SGCZ: variants seen among roughly 807,000 people sequenced by gnomAD.
SGCZ encodes the protein sarcoglycan zeta.
A neutral mutation model predicts 41.3 loss-of-function variants in SGCZ; 40 were observed. The observed-to-expected ratio is 0.97, with a 90% CI of 0.75 to 1.26. The LOEUF (loss-of-function observed/expected upper bound fraction) is 1.26, where lower values mean the gene tolerates loss of function less well. Among genes scored for constraint, SGCZ ranks in the 50% most tolerant of loss-of-function variants. SGCZ has a pLI of 0.00. For missense variants in SGCZ, 552 were observed against 369.8 expected (o/e 1.49, Z -4.04); for synonymous variants, 206 against 137.5 (o/e 1.50, Z -3.49).
chr8:15,162,823 G>C (rs1200124598), intron 1 of SGCZ, among the ~76,000 whole-genome samples: 1 of 152,130 alleles, frequency 6.6e-6, no homozygotes, highest in Non-Finnish European at 1.5e-5. Flanking sequence ...GTTCCTAAAA[G>C]TGAAAGTTTA....
intron 2 of SGCZ, among the ~76,000 whole-genome samples, chr8:14,494,038 C>A (rs191234396): frequency 6.6e-6 from 1 of 152,120 alleles, no homozygotes; most frequent in East Asian, 1.9e-4. Context: ...ATGTACTACC[C>A]ATTCATCTCT....
At position 14,554,828 on chromosome 8, in the gene SGCZ, C is replaced by CT; in HGVS notation, c.137dup (p.Arg47GlufsTer17). On this transcript the variant is annotated frameshift_variant, in exon 2 of 8. Coordinates refer to ENST00000382080, the MANE Select transcript of SGCZ (RefSeq NM_139167.4). LOFTEE classifies it high-confidence loss of function. The stretch of plus-strand genomic sequence containing the variant: ...GAAGGACAAAGAAGTATAAGCACCT[C>CT]TTTCGCCATCCATAAATTCCCACTG... The CT allele has an allele frequency of 6.2e-7, 1 of 1,613,272 alleles. No homozygotes were observed. Among genetic ancestry groups the CT allele is most frequent in the African/African-American group, 1.3e-5 (1 of 74,932 alleles).
At chr8:14,644,972 G>A (rs1015105911) in intron 1 of SGCZ, among the ~76,000 whole-genome samples, 1 of 148,406 alleles carries the variant, frequency 6.7e-6, no homozygotes, top group African/African-American at 2.5e-5. Context: ...AGTCTCCAAC[G>A]TTACTCGTTA....
In SGCZ at chr8:14,507,188, A is replaced by G. The variant is rs540443865; in HGVS notation, c.234+47544T>C. On this transcript the variant is annotated intron_variant, in intron 2 of 7. Transcript: ENST00000382080. ...CCCACCATATCCAATCTGCAAATCAAGTCAACTCTGCATTCAAATACTGCA... is the reference window on the plus strand; with the variant it reads ...CCCACCATATCCAATCTGCAAATCAGGTCAACTCTGCATTCAAATACTGCA... 2.0e-5 allele frequency among the ~76,000 whole-genome samples: 3 copies of G among 148,814 alleles called. No homozygotes were observed. In the East Asian group the frequency reaches 6.0e-4, roughly 30 times the overall value.
chr8:14,959,020 G>C (rs1014340930), intron 1 of SGCZ, among the ~76,000 whole-genome samples: 2 of 152,008 alleles, frequency 1.3e-5, no homozygotes, highest in African/African-American at 4.8e-5. Flanking sequence ...CTACTACATA[G>C]TAAAACAAAC....
At chr8:15,005,434 C>A (rs373020096) in intron 1 of SGCZ, among the ~76,000 whole-genome samples, 1 of 148,950 alleles carries the variant, frequency 6.7e-6, no homozygotes, top group South Asian at 2.1e-4. Flanking sequence ...TGGGTTCGAG[C>A]GATTCTCCTG....
At chr8:14,228,578 G>T (rs983587082) in intron 4 of SGCZ, among the ~76,000 whole-genome samples, 25 of 151,912 alleles carry the variant, frequency 1.6e-4, no homozygotes, top group African/African-American at 6.0e-4. Flanking sequence ...GTGCACTTAA[G>T]AAATAATTAG....
At chr8:14,878,836 A>C (rs1804466973) in intron 1 of SGCZ, among the ~76,000 whole-genome samples, 1 of 152,220 alleles carries the variant, frequency 6.6e-6, no homozygotes, top group Non-Finnish European at 1.5e-5. Context: ...AAAAGAGAGC[A>C]TAGTTTCAAG....
chr8:14,462,465 G>C (rs1800929630), intron 2 of SGCZ, among the ~76,000 whole-genome samples: 1 of 151,806 alleles, frequency 6.6e-6, no homozygotes, highest in African/African-American at 2.4e-5. Flanking sequence ...TTTTCATCTT[G>C]CATAACTAAA....
intron 3 of SGCZ, among the ~76,000 whole-genome samples, chr8:14,302,175 T>C (rs1430780319): frequency 6.6e-6 from 1 of 152,238 alleles, no homozygotes; most frequent in African/African-American, 2.4e-5. Flanking sequence ...AATACACCTC[T>C]TAACAATCAA....
At chr8:14,493,434 T>G (rs1801904792) in intron 2 of SGCZ, among the ~76,000 whole-genome samples, 1 of 136,250 alleles carries the variant, frequency 7.3e-6, no homozygotes, top group South Asian at 2.6e-4. Context: ...CGGCATGATC[T>G]CGGCTCACAG....
At chr8:14,938,894 G>A (rs1195256116) in intron 1 of SGCZ, among the ~76,000 whole-genome samples, 2 of 151,872 alleles carry the variant, frequency 1.3e-5, no homozygotes, top group African/African-American at 2.4e-5. Context: ...TCCGCAGTTG[G>A]TTGAATCCCC....
intron 1 of SGCZ, among the ~76,000 whole-genome samples, chr8:14,880,426 C>T (rs1478725667): frequency 6.6e-6 from 1 of 152,092 alleles, no homozygotes; most frequent in Non-Finnish European, 1.5e-5. Flanking sequence ...CTAGAAATAC[C>T]ATTTGACCCA....
At chr8:14,592,547 A>C (rs1025294043) in intron 1 of SGCZ, among the ~76,000 whole-genome samples, 2 of 152,050 alleles carry the variant, frequency 1.3e-5, no homozygotes, top group Non-Finnish European at 2.9e-5. Context: ...TCTCATGCAT[A>C]TTATTGAGTC....
intron 1 of SGCZ, among the ~76,000 whole-genome samples, chr8:15,018,782 G>T (rs1015133049): frequency 8.5e-5 from 13 of 152,182 alleles, no homozygotes; most frequent in South Asian, 6.2e-4. Flanking sequence ...TACCTGAAAT[G>T]CTTTAATCTA....
chr8:14,355,124 A>G (rs991810801), intron 2 of SGCZ, among the ~76,000 whole-genome samples: 3 of 151,996 alleles, frequency 2.0e-5, no homozygotes, highest in African/African-American at 7.2e-5. Context: ...GATGATACCA[A>G]TCTCTTCAAT....
chr8:14,623,428 T>C lies in SGCZ; in HGVS notation c.40-68502A>G, dbSNP rs956936794. Among the ~76,000 whole-genome samples, 12 of 152,156 alleles carry C rather than the reference T, an allele frequency of 7.9e-5. 1 individual carries two copies. Among genetic ancestry groups the C allele is most frequent in the African/African-American group, 2.9e-4 (12 of 41,438 alleles). On this transcript the variant is annotated intron_variant, in intron 1 of 7. Coordinates refer to ENST00000382080, the MANE Select transcript of SGCZ (RefSeq NM_139167.4). ...GGCAAGCATCCCGCTGTTGAACACA[T>C]AACAAGAGAAGAGGCAGACATCTCT... is the stretch of plus-strand genomic sequence containing the variant.
At chr8:14,474,530 A>G (rs1367589429) in intron 2 of SGCZ, among the ~76,000 whole-genome samples, 1 of 152,322 alleles carries the variant, frequency 6.6e-6, no homozygotes. Flanking sequence ...ATGTTTAGTC[A>G]TGGTTTTACT....
At chr8:14,960,160 C>A (rs1280510775) in intron 1 of SGCZ, among the ~76,000 whole-genome samples, 1 of 152,068 alleles carries the variant, frequency 6.6e-6, no homozygotes, top group East Asian at 1.9e-4. Flanking sequence ...CTTATATATC[C>A]ATGAATAATT....
Sources: gnomAD v4.1 joint callset for allele counts (sites outside exome capture counted in the v4.1 genomes callset) on GRCh38, gnomAD v4.1.1 for gene constraint, MANE v1.5 for transcripts, NCBI Gene and HGNC (gene_info 2026-07-23, HGNC 2026-07-21) for gene names.